Variants in TIMD4 observed in about 807,000 individuals in gnomAD.
TIMD4 encodes T-cell immunoglobulin and mucin domain-containing protein 4.
Under a neutral mutation model 41.2 loss-of-function variants are expected in TIMD4, and 31 were observed. The ratio of observed to expected loss-of-function variants is 0.75; its 90% CI spans 0.57 to 1.01. The LOEUF (loss-of-function observed/expected upper bound fraction) is 1.01, where lower values mean the gene tolerates loss of function less well. Among genes scored for constraint, TIMD4 ranks in the 50% least tolerant of loss-of-function variants. The probability of loss-of-function intolerance (pLI) is 0.00; values close to 1 mark genes in which losing one functional copy is unlikely to be tolerated. For synonymous variants in TIMD4, 204 were observed against 177.1 expected (o/e 1.15, Z -1.21); for missense variants, 479 against 472.5 (o/e 1.01, Z -0.13).
At chr5:156,921,246 A>ATCT (rs1759232099) in intron 7 of TIMD4, among the ~76,000 whole-genome samples, 2 of 152,066 alleles carry the variant, frequency 1.3e-5, no homozygotes. Context: ...TTTGCATGTG[A>ATCT]TTTCAAAGGA....
chr5:156,943,149 T>A (rs1459892749), intron 5 of TIMD4, among the ~76,000 whole-genome samples: 2 of 152,204 alleles, frequency 1.3e-5, no homozygotes, highest in East Asian at 1.9e-4. Flanking sequence ...CTGGCAGAAG[T>A]GGCCTCTTGT....
intron 5 of TIMD4, among the ~76,000 whole-genome samples, chr5:156,939,630 A>G (rs1188471885): frequency 1.3e-5 from 2 of 152,178 alleles, no homozygotes; most frequent in Non-Finnish European, 1.5e-5. Context: ...TCTCACACAC[A>G]AACTTAACTC....
rs771181155 is a variant in TIMD4, at chr5:156,954,431, G to A, written c.384C>T (p.Arg128=). The change falls in exon 2 of 9, where the codon CGC becomes CGT. Residue 128 remains arginine, a synonymous_variant. Coordinates refer to ENST00000274532, the MANE Select transcript of TIMD4 (RefSeq NM_138379.3). The part of the protein sequence containing the change: ...GWFNDVKINV[R]LNLQRASTTT... ...TGTGCTTACCTCTCTGTAGATTCAG[G>A]CGCACGTTTATCTTTACATCGTTGA... The A allele has an allele frequency of 2.5e-6, 4 of 1,613,728 alleles. No individual in the cohort carries two copies. In the Admixed American group the frequency reaches 6.7e-5, roughly 27 times the overall value.
intron 5 of TIMD4, among the ~76,000 whole-genome samples, chr5:156,934,673 T>C (rs1241866589): frequency 6.6e-6 from 1 of 151,890 alleles, no homozygotes; most frequent in Non-Finnish European, 1.5e-5. Context: ...TTGCCCAAGG[T>C]GACACAAACA....
intron 1 of TIMD4, 112 bp downstream of exon 1, chr5:156,963,029 C>A (rs1753102266): frequency 1.9e-6 from 2 of 1,048,744 alleles, no homozygotes; most frequent in African/African-American, 1.6e-5. Flanking sequence ...GGGAGGGATG[C>A]AGAAATGAAG....
rs74707793 is a variant in TIMD4 at position 156,942,287 on chromosome 5, C to T, written c.844+6129G>A. 3.5e-3 allele frequency among the ~76,000 whole-genome samples: 537 copies of T among 152,328 alleles called. 4 individuals carry two copies. Among genetic ancestry groups the T allele is most frequent in the African/African-American group, 0.012 (517 of 41,570 alleles). On this transcript the variant is annotated intron_variant, in intron 5 of 8. Coordinates refer to ENST00000274532, the MANE Select transcript of TIMD4 (RefSeq NM_138379.3). Reference sequence around the variant, plus strand: ...CCTTCAAGAAAGCTCTGTTGAGAAACAGTGGCTGCCCATCTGGGAACAAAG... The same window carrying T: ...CCTTCAAGAAAGCTCTGTTGAGAAATAGTGGCTGCCCATCTGGGAACAAAG...
intron 8 of TIMD4, among the ~76,000 whole-genome samples, chr5:156,919,780 A>G (rs1759200999): frequency 6.6e-6 from 1 of 152,172 alleles, no homozygotes; most frequent in African/African-American, 2.4e-5. Context: ...CATGATTTCA[A>G]TACGTTTATT....
intron 5 of TIMD4, among the ~76,000 whole-genome samples, chr5:156,946,212 G>T (rs1037687760): frequency 6.6e-6 from 1 of 152,122 alleles, no homozygotes; most frequent in African/African-American, 2.4e-5. Context: ...CACCTTTCTA[G>T]TCACTGTCAT....
At chr5:156,930,146 G>T (rs57171194) in intron 5 of TIMD4, among the ~76,000 whole-genome samples, 4,879 of 152,080 alleles carry the variant, frequency 0.032, 221 homozygotes, top group African/African-American at 0.11. Flanking sequence ...ATTTTTAGTA[G>T]AGACAGGGTC....
intron 1 of TIMD4, among the ~76,000 whole-genome samples, chr5:156,961,702 C>T (rs565950580): frequency 7.2e-6 from 1 of 139,522 alleles, no homozygotes; most frequent in East Asian, 2.1e-4. Flanking sequence ...ACTTGGGAGG[C>T]TGAGGCAGGA....
rs112532328 is a variant in TIMD4, at chr5:156,942,985, T to C, written c.844+5431A>G. 5.5e-3 allele frequency among the ~76,000 whole-genome samples: 841 copies of C among 152,344 alleles called. 9 individuals are homozygous for C. Among genetic ancestry groups the C allele is most frequent in the African/African-American group, 0.019 (786 of 41,584 alleles). ...CTCAGATTTATTCTAATACTGAGAA[T>C]TACTACTATGAGATTGTAAAAGCTT... On this transcript the variant is annotated intron_variant, in intron 5 of 8. Coordinates refer to ENST00000274532, the MANE Select transcript of TIMD4 (RefSeq NM_138379.3).
intron 5 of TIMD4, among the ~76,000 whole-genome samples, chr5:156,939,455 T>C (rs1179319814): frequency 6.6e-6 from 1 of 152,346 alleles, no homozygotes; most frequent in Admixed American, 6.5e-5. Flanking sequence ...ATTGGTATAC[T>C]GGCAAGTCTT....
chr5:156,932,801 C>G (rs942563548), intron 5 of TIMD4, among the ~76,000 whole-genome samples: 3 of 152,088 alleles, frequency 2.0e-5, no homozygotes, highest in African/African-American at 7.2e-5. Context: ...GAGGTCAGTT[C>G]AAGACCAGCC....
At chr5:156,931,326 A>AAACTAAGACAGAACCACTGTCT (rs1561545972) in intron 5 of TIMD4, among the ~76,000 whole-genome samples, 1 of 152,206 alleles carries the variant, frequency 6.6e-6, no homozygotes, top group Non-Finnish European at 1.5e-5. Flanking sequence ...TAATACAGAG[A>AAACTAAGACAGAACCACTGTCT]CAGTGGTTCC....
chr5:156,961,073 T>G (rs1025363882), intron 1 of TIMD4, among the ~76,000 whole-genome samples: 4 of 152,226 alleles, frequency 2.6e-5, no homozygotes, highest in Admixed American at 2.0e-4. Flanking sequence ...TGTTTTCTCA[T>G]GCACCATGTT....
intron 5 of TIMD4, among the ~76,000 whole-genome samples, chr5:156,944,034 T>G (rs1759692421): frequency 1.3e-5 from 2 of 150,288 alleles, no homozygotes; most frequent in South Asian, 4.2e-4. Flanking sequence ...CACTCCAGCC[T>G]GGGTGACAGA....
At chr5:156,948,390 A>C (rs1306096720) in intron 5 of TIMD4, 26 bp downstream of exon 5, 1 of 1,306,612 alleles carries the variant, frequency 7.7e-7, no homozygotes, top group Non-Finnish European at 9.9e-7. Flanking sequence ...AGTAAAATAA[A>C]ATAAAAAAAA....
intron 1 of TIMD4, among the ~76,000 whole-genome samples, chr5:156,960,198 C>A (rs1414810027): frequency 6.6e-6 from 1 of 152,008 alleles, no homozygotes; most frequent in Non-Finnish European, 1.5e-5. Context: ...AGTAGCAGGA[C>A]ATGTAGACAT....
At chr5:156,941,228 T>G (rs1759647005) in intron 5 of TIMD4, among the ~76,000 whole-genome samples, 1 of 152,146 alleles carries the variant, frequency 6.6e-6, no homozygotes, top group African/African-American at 2.4e-5. Flanking sequence ...TTTGTTCACA[T>G]GTTTATCTGC....
Sources: allele counts gnomAD v4.1 joint callset (sites outside exome capture counted in the v4.1 genomes callset), GRCh38; gene constraint gnomAD v4.1.1; transcripts MANE v1.5; gene names NCBI Gene and HGNC (gene_info 2026-07-23, HGNC 2026-07-21).